The following PTPN9 variants were observed in gnomAD, a reference collection of about 807,000 sequenced individuals.
PTPN9 encodes tyrosine-protein phosphatase non-receptor type 9.
PTPN9 carries 26 observed loss-of-function variants against 69.8 expected under a neutral mutation model. The ratio of observed to expected loss-of-function variants is 0.37; its 90% confidence interval spans 0.27 to 0.52. The LOEUF (loss-of-function observed/expected upper bound fraction) is 0.52, where lower values mean the gene tolerates loss of function less well. Among genes scored for constraint, PTPN9 ranks in the 20% least tolerant of loss-of-function variants. The probability of loss-of-function intolerance (pLI) is 0.91; values close to 1 mark genes in which losing one functional copy is unlikely to be tolerated. For missense variants in PTPN9, 549 were observed against 740.3 expected (o/e 0.74, Z 3.00); for synonymous variants, 274 against 272.5 (o/e 1.01, Z -0.05).
At chr15:75,551,210 C>G (rs2075055373) in intron 1 of PTPN9, among the ~76,000 whole-genome samples, 1 of 152,194 alleles carries the variant, frequency 6.6e-6, no homozygotes, top group Admixed American at 6.6e-5. Context: ...GCTGGGACTA[C>G]AGGCATGCAC....
intron 12 of PTPN9, among the ~76,000 whole-genome samples, chr15:75,469,387 C>A (rs2074552249): frequency 6.6e-6 from 1 of 152,234 alleles, no homozygotes; most frequent in Non-Finnish European, 1.5e-5. Flanking sequence ...CCAACATTTC[C>A]TACCATGTAC....
chr15:75,553,230 G>C (rs1371454487), intron 1 of PTPN9, among the ~76,000 whole-genome samples: 1 of 152,168 alleles, frequency 6.6e-6, no homozygotes, highest in Non-Finnish European at 1.5e-5. Flanking sequence ...AGAAGCACCA[G>C]ATGAAACTTA....
chr15:75,570,351 G>A (rs1044583813), intron 1 of PTPN9: 3 of 152,204 alleles, frequency 2.0e-5, no homozygotes, highest in African/African-American at 7.2e-5. Flanking sequence ...GTAAGACTGT[G>A]GGAAAAGGGA....
At chr15:75,481,852 C>G (rs2074637375) in intron 8 of PTPN9, among the ~76,000 whole-genome samples, 1 of 144,538 alleles carries the variant, frequency 6.9e-6, no homozygotes, top group South Asian at 2.4e-4. Context: ...AGCGCCCCTG[C>G]CTGGCCAGCC....
Position 75,497,804 on chromosome 15 carries a change from A to G in PTPN9, c.969-7503T>C, listed in dbSNP as rs1377484975. On this transcript the variant is annotated intron_variant, in intron 7 of 12. Transcript: ENST00000618819. ...GCAACAAGAGCAAAACTCTGTCTCA[A>G]AAAAAAAAAAAAAAAGATGAAGCAA... Among the ~76,000 whole-genome samples the G allele has an allele frequency of 2.8e-5, 4 of 142,656 alleles. No homozygotes were observed. The East Asian group carries it at 5.9e-4, about 21-fold the overall frequency. The allele number at this position is 142,656 out of a possible 152,430, so 93.6% of individuals were successfully genotyped here.
intron 1 of PTPN9, 110 bp from the exon 2 acceptor site, chr15:75,527,371 GT>G (rs1316000575): frequency 1.6e-6 from 2 of 1,227,838 alleles, no homozygotes; most frequent in East Asian, 4.9e-5. Flanking sequence ...TCTGAACCCA[GT>G]TTGCTACAGG....
At chr15:75,571,016 C>A (rs2075146003) in intron 1 of PTPN9, among the ~76,000 whole-genome samples, 1 of 152,028 alleles carries the variant, frequency 6.6e-6, no homozygotes, top group Admixed American at 6.6e-5. Context: ...TCCCAGCACT[C>A]TGGGAGACCA....
At chr15:75,536,553 C>T (rs2074983017) in intron 1 of PTPN9, among the ~76,000 whole-genome samples, 1 of 152,008 alleles carries the variant, frequency 6.6e-6, no homozygotes, top group African/African-American at 2.4e-5. Context: ...AGTCAGAGAA[C>T]AAAATGTTTC....
At chr15:75,515,272 A>G (rs1039199989) in intron 5 of PTPN9, among the ~76,000 whole-genome samples, 10 of 151,882 alleles carry the variant, frequency 6.6e-5, no homozygotes, top group African/African-American at 2.4e-4. Flanking sequence ...CTTAAAATAC[A>G]AAAAAATTAG....
chr15:75,536,585 A>G (rs1345030604), intron 1 of PTPN9, among the ~76,000 whole-genome samples: 1 of 152,168 alleles, frequency 6.6e-6, no homozygotes, highest in Non-Finnish European at 1.5e-5. Flanking sequence ...ATGAAAGAAC[A>G]GGGCTTATTG....
chr15:75,483,012 G>A (rs59790315), intron 8 of PTPN9, among the ~76,000 whole-genome samples: 3 of 151,942 alleles, frequency 2.0e-5, no homozygotes, highest in East Asian at 1.9e-4. Context: ...TCCATACCAC[G>A]AGATACTAAT....
At chr15:75,530,717 AATATATATAATATATATTATTATAT>A (rs2074956935) in intron 1 of PTPN9, among the ~76,000 whole-genome samples, 1 of 29,596 alleles carries the variant, frequency 3.4e-5, no homozygotes, top group Non-Finnish European at 4.7e-5. Context: ...ATTATTATAT[AATATATATAATATATATTATTATAT>A]AATATATATA....
At chr15:75,471,898 G>A (rs900428712) in intron 10 of PTPN9, among the ~76,000 whole-genome samples, 4 of 151,598 alleles carry the variant, frequency 2.6e-5, no homozygotes, top group African/African-American at 7.3e-5. Context: ...AGCTGAGATC[G>A]CACCACTTAA....
At position 75,530,741 on chromosome 15, in the gene PTPN9, ATAATATATATAATATAATATAT is replaced by A. The variant is rs1381696526; in HGVS notation, c.64-3502_64-3481del. On this transcript the variant is annotated intron_variant, in intron 1 of 12. Transcript: ENST00000618819. Reference sequence around the variant, plus strand: ...TAATATATATAATATATATTATTATATAATATATATAATATAATATATTATTATAATTATTATAATATAATAT... The same window carrying A: ...TAATATATATAATATATATTATTATATATTATAATTATTATAATATAATAT... Among the ~76,000 whole-genome samples the A allele has an allele frequency of 2.8e-4, 20 of 72,628 alleles. 1 individual carries two copies. In the Admixed American group the frequency reaches 5.3e-3, roughly 19 times the overall value. The allele number at this position is 72,628 out of a possible 152,430, so 47.6% of individuals were successfully genotyped here. A position where few individuals can be genotyped will look rare whatever the true frequency, so the allele number is the denominator to read the frequency against.
chr15:75,529,086 A>C (rs997730797), intron 1 of PTPN9, among the ~76,000 whole-genome samples: 1 of 151,864 alleles, frequency 6.6e-6, no homozygotes, highest in Non-Finnish European at 1.5e-5. Flanking sequence ...TCCAGGGTTC[A>C]AGTGATTCTT....
chr15:75,564,515 G>A (rs1262841427), intron 1 of PTPN9, among the ~76,000 whole-genome samples: 1 of 151,014 alleles, frequency 6.6e-6, no homozygotes, highest in East Asian at 2.0e-4. Context: ...AGAATGGCGT[G>A]AACCCGGGAG....
At chr15:75,537,785 G>T (rs1224460431) in intron 1 of PTPN9, among the ~76,000 whole-genome samples, 47 of 83,362 alleles carry the variant, frequency 5.6e-4, no homozygotes, top group East Asian at 1.5e-3. Context: ...AAGGCCAGGC[G>T]TGGTGGCTCA....
At chr15:75,502,288 A>C (rs2074777176) in intron 7 of PTPN9, among the ~76,000 whole-genome samples, 1 of 152,060 alleles carries the variant, frequency 6.6e-6, no homozygotes, top group Non-Finnish European at 1.5e-5. Context: ...CTCTACTAAA[A>C]ATACAAAAAT....
chr15:75,543,227 C>T (rs971669822), intron 1 of PTPN9, among the ~76,000 whole-genome samples: 2 of 151,788 alleles, frequency 1.3e-5, no homozygotes, highest in African/African-American at 4.8e-5. Flanking sequence ...AAGATTTTGC[C>T]CCTCCCAGTT....
Sources: allele counts gnomAD v4.1 joint callset (sites outside exome capture counted in the v4.1 genomes callset), GRCh38; gene constraint gnomAD v4.1.1; transcripts MANE v1.5; gene names NCBI Gene and HGNC (gene_info 2026-07-23, HGNC 2026-07-21).